AP3B1: variants seen among roughly 807,000 people sequenced by gnomAD.
AP3B1 encodes AP-3 complex subunit beta-1.
AP3B1 carries 61 observed loss-of-function variants against 132.5 expected under a neutral mutation model. The ratio of observed to expected loss-of-function variants is 0.46; its 90% CI spans 0.37 to 0.57. AP3B1 has a LOEUF of 0.57. Ranked by LOEUF, AP3B1 falls within the 20% of genes least tolerant of loss-of-function variation. The pLI, the probability that AP3B1 is intolerant of heterozygous loss-of-function variation, is 0.00. For missense variants in AP3B1, 1,120 were observed against 1,289.4 expected (o/e 0.87, Z 2.01); for synonymous variants, 388 against 438.3 (o/e 0.89, Z 1.43).
chr5:78,080,557 T>C (rs1016296932), intron 22 of AP3B1, among the ~76,000 whole-genome samples: 1 of 150,190 alleles, frequency 6.7e-6, no homozygotes, highest in African/African-American at 2.4e-5. Context: ...TCATGGAGAA[T>C]ACATTATTCA....
chr5:78,239,971 C>T (rs538472430), intron 3 of AP3B1, among the ~76,000 whole-genome samples: 32 of 152,210 alleles, frequency 2.1e-4, no homozygotes, highest in African/African-American at 7.7e-4. Flanking sequence ...ATAGAAAAAA[C>T]TTCACTACCA....
At chr5:78,284,036 T>C (rs534491036) in intron 1 of AP3B1, among the ~76,000 whole-genome samples, 23 of 152,334 alleles carry the variant, frequency 1.5e-4, no homozygotes, top group Non-Finnish European at 2.4e-4. Context: ...CTGTTCCCTA[T>C]GTAAGCCATA....
At chr5:78,107,908 T>C (rs1344475234) in intron 20 of AP3B1, among the ~76,000 whole-genome samples, 2 of 152,248 alleles carry the variant, frequency 1.3e-5, no homozygotes, top group Non-Finnish European at 1.5e-5. Flanking sequence ...TTACATAGTG[T>C]GTTACATTGA....
chr5:78,227,866 C>T (rs975976200), intron 4 of AP3B1, among the ~76,000 whole-genome samples: 2 of 152,092 alleles, frequency 1.3e-5, no homozygotes, highest in African/African-American at 4.8e-5. Flanking sequence ...CTTTTGCGTA[C>T]TTTCAACAAC....
At chr5:78,099,661 C>T (rs770439579) in intron 21 of AP3B1, among the ~76,000 whole-genome samples, 1 of 152,084 alleles carries the variant, frequency 6.6e-6, no homozygotes, top group Non-Finnish European at 1.5e-5. Context: ...CGTTGGGAAG[C>T]CGAGGTGGGT....
chr5:78,051,407 A>G (rs1748578413), intron 22 of AP3B1, among the ~76,000 whole-genome samples: 1 of 148,526 alleles, frequency 6.7e-6, no homozygotes, highest in South Asian at 2.1e-4. Context: ...TTATTTTATG[A>G]CATAGCATGT....
At position 78,156,982 on chromosome 5, in the gene AP3B1, C is replaced by T. The variant is rs150362632; in HGVS notation, c.1364-615G>A. The stretch of plus-strand genomic sequence containing the variant: ...CCACTCTACCTTTCTCTCCCCAGCA[C>T]TGTGCCCTAAGAGGCCCACCTGTAG... On this transcript the variant is annotated intron_variant, in intron 13 of 26. Transcript: ENST00000255194. 3.7e-4 allele frequency among the ~76,000 whole-genome samples: 56 copies of T among 152,280 alleles called. No homozygotes were observed. In the East Asian group the frequency reaches 8.3e-3, roughly 23 times the overall value.
intron 17 of AP3B1, among the ~76,000 whole-genome samples, chr5:78,124,571 T>C (rs1329373041): frequency 2.0e-5 from 3 of 152,108 alleles, no homozygotes; most frequent in African/African-American, 7.2e-5. Context: ...CAAAATCATG[T>C]CTCAAAAAAA....
intron 2 of AP3B1, among the ~76,000 whole-genome samples, chr5:78,261,221 C>T (rs368071457): frequency 6.6e-6 from 1 of 152,298 alleles, no homozygotes. Flanking sequence ...TTTTACATTC[C>T]CACCAGCAAT....
At chr5:78,245,257 C>T (rs1216384011) in intron 2 of AP3B1, among the ~76,000 whole-genome samples, 3 of 152,292 alleles carry the variant, frequency 2.0e-5, no homozygotes, top group South Asian at 2.1e-4. Flanking sequence ...GCGTAATAGG[C>T]GTAATCTACA....
At chr5:78,223,027 C>CTATTTTTTTTTTTTTTTTT (rs66493022) in intron 6 of AP3B1, among the ~76,000 whole-genome samples, 2 of 127,818 alleles carry the variant, frequency 1.6e-5, no homozygotes, top group Non-Finnish European at 3.3e-5. Context: ...TTGTTTGTTT[C>CTATTTTTTTTTTTTTTTTT]TTTTTTTTTT....
chr5:78,054,704 G>T (rs1474573940), intron 22 of AP3B1, among the ~76,000 whole-genome samples: 1 of 152,156 alleles, frequency 6.6e-6, no homozygotes, highest in South Asian at 2.1e-4. Context: ...GTGTTGCCTT[G>T]CATTTAAGTG....
intron 20 of AP3B1, among the ~76,000 whole-genome samples, chr5:78,108,745 C>T (rs1751448727): frequency 6.6e-6 from 1 of 152,136 alleles, no homozygotes; most frequent in Non-Finnish European, 1.5e-5. Flanking sequence ...ACCTGGAGTG[C>T]CCCTGTGGTT....
intron 20 of AP3B1, among the ~76,000 whole-genome samples, chr5:78,106,114 A>G (rs1381063458): frequency 6.6e-6 from 1 of 152,190 alleles, no homozygotes; most frequent in African/African-American, 2.4e-5. Flanking sequence ...TAGAAATAGG[A>G]AAGAATACAG....
rs2112405548 is a variant in AP3B1 at position 78,177,404 on chromosome 5, G to A, written c.975C>T (p.His325=). The change falls in exon 9 of 27, where the codon CAC becomes CAT. Residue 325 remains histidine, a synonymous_variant. Transcript: ENST00000255194. ...VVMAVAQLYW[H]ISPKSEAGII... ...TGCCAGCTTCAGATTTTGGTGATAT[G>A]TGCCAATACAGCTGAGCAACTGCCA... 1 of 1,613,942 alleles carries A rather than the reference G, an allele frequency of 6.2e-7. No homozygotes were observed. Among genetic ancestry groups the A allele is most frequent in the Non-Finnish European group, 8.5e-7 (1 of 1,179,868 alleles).
chr5:78,169,733 GTTTATTTATTTATTTA>G (rs1554072569), intron 11 of AP3B1, among the ~76,000 whole-genome samples: 1 of 151,160 alleles, frequency 6.6e-6, no homozygotes, highest in African/African-American at 2.4e-5. Flanking sequence ...AAGCCCTGAA[GTTTATTTATTTATTTA>G]TTTATTTATT....
intron 14 of AP3B1, among the ~76,000 whole-genome samples, chr5:78,148,892 G>A (rs542981788): frequency 2.0e-5 from 3 of 152,174 alleles, no homozygotes; most frequent in South Asian, 2.1e-4. Flanking sequence ...GTATCACTTC[G>A]TAGGAAGTAA....
At chr5:78,218,405 G>T (rs548375121) in intron 6 of AP3B1, among the ~76,000 whole-genome samples, 1 of 152,106 alleles carries the variant, frequency 6.6e-6, no homozygotes, top group South Asian at 2.1e-4. Flanking sequence ...AAATTCAAAT[G>T]CAGTTTTCCA....
chr5:78,239,436 A>G (rs1390508095), intron 3 of AP3B1, among the ~76,000 whole-genome samples: 1 of 143,450 alleles, frequency 7.0e-6, no homozygotes. Flanking sequence ...ATGCCACTGC[A>G]CTCCAGCCTG....
Sources: gnomAD v4.1 joint callset for allele counts (sites outside exome capture counted in the v4.1 genomes callset) on GRCh38, gnomAD v4.1.1 for gene constraint, MANE v1.5 for transcripts, NCBI Gene and HGNC (gene_info 2026-07-23, HGNC 2026-07-21) for gene names.